Variants in ABCA13 observed in about 807,000 individuals in gnomAD.
ABCA13 encodes ATP-binding cassette sub-family A member 13.
ABCA13 carries 476 observed loss-of-function variants against 478.7 expected under a neutral mutation model. That is an observed-to-expected ratio of 0.99 (90% CI 0.92 to 1.07). The LOEUF (loss-of-function observed/expected upper bound fraction) is 1.07. Among genes scored for constraint, ABCA13 ranks in the 50% least tolerant of loss-of-function variants. The probability of loss-of-function intolerance (pLI) is 0.00; values close to 1 mark genes in which losing one functional copy is unlikely to be tolerated. For synonymous variants in ABCA13, 2,252 were observed against 2,158.9 expected (o/e 1.04, Z -1.20); for missense variants, 6,060 against 5,910.6 (o/e 1.03, Z -0.83).
Position 48,483,082 on chromosome 7 carries a change from A to T in ABCA13, c.13101A>T (p.Gly4367=), listed in dbSNP as rs772566520. 1 of 1,610,920 alleles carries T rather than the reference A, an allele frequency of 6.2e-7. No homozygotes were observed. Among genetic ancestry groups the T allele is most frequent in the South Asian group, 1.1e-5 (1 of 90,166 alleles). ...CAATGTTCATTGTTAACAGGCTTGG[A>T]GGTTGGTCTTTTGGATTAAAAATCC... ...LLAPSEKPRL[G]GWSFGLKIPS... is the part of the protein sequence containing the mutation. The change falls in exon 47 of 62, where the codon GGA becomes GGT. Residue 4367 remains glycine, a synonymous_variant. Transcript: ENST00000435803.
At chr7:48,503,177 C>T (rs931474263) in intron 48 of ABCA13, among the ~76,000 whole-genome samples, 1 of 152,140 alleles carries the variant, frequency 6.6e-6, no homozygotes, top group Non-Finnish European at 1.5e-5. Context: ...GCCTCAGACT[C>T]CTGGGCTCAA....
chr7:48,532,125 G>C lies in ABCA13; in HGVS notation c.14354+3780G>C, dbSNP rs979021463. On this transcript the variant is annotated intron_variant, in intron 55 of 61. Transcript: ENST00000435803. ...GCTTGTCCCCATTCAGTATAATATT[G>C]TCTATGGGTTTGTCATAGATGGCTT... Among the ~76,000 whole-genome samples, 9 of 152,164 alleles carry C rather than the reference G, an allele frequency of 5.9e-5. No homozygotes were observed. In the East Asian group the frequency reaches 1.7e-3, roughly 29 times the overall value.
intron 10 of ABCA13, among the ~76,000 whole-genome samples, chr7:48,243,540 CGTG>C (rs1791196517): frequency 6.6e-6 from 1 of 152,156 alleles, no homozygotes; most frequent in Non-Finnish European, 1.5e-5. Context: ...AGGGTGATGA[CGTG>C]GGGATGGGTA....
At chr7:48,621,981 A>G (rs1282476491) in intron 59 of ABCA13, among the ~76,000 whole-genome samples, 1 of 152,170 alleles carries the variant, frequency 6.6e-6, no homozygotes, top group Non-Finnish European at 1.5e-5. Flanking sequence ...CAGCATCTAG[A>G]GTATAGAATT....
In ABCA13 at chr7:48,272,508, A is replaced by T. The variant is rs779473888; in HGVS notation, c.2842A>T (p.Ile948Leu). ...KQEVDKILTH[I>L]HLNVFQDKDS... ...AGAAGTTGATAAAATTTTGACTCAC[A>T]TACACCTAAATGTCTTCCAGGACAA... The change falls in exon 17 of 62, where the codon ATA becomes TTA. Residue 948 changes from isoleucine to leucine, a missense_variant. Transcript: ENST00000435803. 1 of 1,613,808 alleles carries T rather than the reference A, an allele frequency of 6.2e-7. No individual in the cohort carries two copies.
chr7:48,525,371 C>T lies in ABCA13; in HGVS notation c.14244+931C>T, dbSNP rs116472744. On this transcript the variant is annotated intron_variant, in intron 54 of 61. Transcript: ENST00000435803. ...CATGATTATTATAGTTTTGCCGGTA[C>T]CTCTCCATAGTAGTTTGAGGCAAAG... 4.6e-3 allele frequency among the ~76,000 whole-genome samples: 705 copies of T among 152,098 alleles called. 4 individuals carry two copies. The highest frequency in any genetic ancestry group is 0.016 in the African/African-American group (664 of 41,504).
intron 20 of ABCA13, among the ~76,000 whole-genome samples, chr7:48,294,306 A>T (rs1449286433): frequency 6.6e-6 from 1 of 152,042 alleles, no homozygotes; most frequent in African/African-American, 2.4e-5. Flanking sequence ...CTCATGCTGT[A>T]TATTAATTCT....
At chr7:48,493,377 A>T (rs1010093022) in intron 48 of ABCA13, among the ~76,000 whole-genome samples, 16 of 152,318 alleles carry the variant, frequency 1.1e-4, no homozygotes, top group Non-Finnish European at 1.9e-4. Flanking sequence ...ATTTTGTTAA[A>T]TTAAAATATT....
chr7:48,366,109 A>G (rs970148403), intron 31 of ABCA13, among the ~76,000 whole-genome samples: 1 of 152,130 alleles, frequency 6.6e-6, no homozygotes, highest in Non-Finnish European at 1.5e-5. Flanking sequence ...ATACAAAACC[A>G]TAGTAATCAA....
chr7:48,498,891 G>A (rs1012451789), intron 48 of ABCA13, among the ~76,000 whole-genome samples: 2 of 152,140 alleles, frequency 1.3e-5, no homozygotes, highest in Non-Finnish European at 2.9e-5. Flanking sequence ...TTATGCAAAT[G>A]TTTGCATGCA....
At position 48,272,388 on chromosome 7, in the gene ABCA13, T is replaced by G. The variant is rs1280831847; in HGVS notation, c.2722T>G (p.Leu908Val). ...AACTAGTCTCCATGAATTTGGATTT[T>G]TGGAGCAGGAACAGATCTCAGAAGC... is the stretch of plus-strand genomic sequence containing the variant. Reference protein sequence around the residue: ...IITSLHEFGFLEQEQISEALN... With the variant: ...IITSLHEFGFVEQEQISEALN... Residue 908 changes from leucine to valine, a missense_variant, in exon 17 of 62, where the codon TTG (leucine) becomes GTG (valine). This residue lies in a region of ABCA13 where 4,423 missense variants were observed against 4,309.1 expected (regional missense o/e 1.03). Coordinates refer to ENST00000435803, the MANE Select transcript of ABCA13 (RefSeq NM_152701.5). The G allele has an allele frequency of 6.2e-7, 1 of 1,613,818 alleles. No individual in the cohort carries two copies. Among genetic ancestry groups the G allele is most frequent in the Non-Finnish European group, 8.5e-7 (1 of 1,179,784 alleles).
At chr7:48,188,111 G>C (rs1158103296) in intron 1 of ABCA13, among the ~76,000 whole-genome samples, 5 of 152,148 alleles carry the variant, frequency 3.3e-5, no homozygotes, top group Admixed American at 1.3e-4. Context: ...TCTATAGAAG[G>C]AGAAGATTGG....
At chr7:48,342,163 C>T (rs1175558276) in intron 29 of ABCA13, among the ~76,000 whole-genome samples, 1 of 151,792 alleles carries the variant, frequency 6.6e-6, no homozygotes. Context: ...TGACTTCCAG[C>T]TTTACTTCAC....
rs537823055 is a variant in ABCA13, at chr7:48,229,592, G to A, written c.633-233G>A. 1.9e-4 allele frequency among the ~76,000 whole-genome samples: 29 copies of A among 152,292 alleles called. No homozygotes were observed. In the South Asian group the frequency reaches 6.0e-3, roughly 32 times the overall value. On this transcript the variant is annotated intron_variant, in intron 6 of 61. Coordinates refer to ENST00000435803, the MANE Select transcript of ABCA13 (RefSeq NM_152701.5). ...CTGTGTCAAAGGCAGAGTGGAAGAT[G>A]GCCTAAGTTCTCAAGTGTTTCAAGA...
rs768668155 is a variant in ABCA13, at chr7:48,516,889, GC to G, written c.13797+9del. 7 of 1,612,910 alleles carry G rather than the reference GC, an allele frequency of 4.3e-6. No homozygotes were observed. The highest frequency in any genetic ancestry group is 5.9e-6 in the Non-Finnish European group (7 of 1,179,272). On this transcript the variant is annotated intron_variant, in intron 52 of 61. Coordinates refer to ENST00000435803, the MANE Select transcript of ABCA13 (RefSeq NM_152701.5). ...ATCATCTCCAAAGCTAAGGTCAGTA[GC>G]TTTGTAGCATCACCTCTACACTTCT...
chr7:48,307,815 G>T (rs1801140422), intron 23 of ABCA13, among the ~76,000 whole-genome samples: 1 of 151,922 alleles, frequency 6.6e-6, no homozygotes, highest in Admixed American at 6.6e-5. Context: ...CAAGCAGCTG[G>T]GATTACAGGT....
rs544928793 is a variant in ABCA13, at chr7:48,400,658, A to T, written c.11874-3025A>T. Reference sequence around the variant, plus strand: ...TTTAATTTTTAAGTCCACTCTAAGCATATGAACAATGCCCAGAAACCAGCA... The same window carrying T: ...TTTAATTTTTAAGTCCACTCTAAGCTTATGAACAATGCCCAGAAACCAGCA... On this transcript the variant is annotated intron_variant, in intron 38 of 61. Transcript: ENST00000435803. Among the ~76,000 whole-genome samples the T allele has an allele frequency of 1.7e-4, 26 of 152,380 alleles. 1 individual carries two copies. The South Asian group carries it at 4.8e-3, about 28-fold the overall frequency.
At chr7:48,645,135 A>T (rs11979484) in intron 61 of ABCA13, among the ~76,000 whole-genome samples, 19,449 of 152,120 alleles carry the variant, frequency 0.13, 1,313 homozygotes, top group East Asian at 0.24. Context: ...GAGTACCAGG[A>T]ATATAAAAAT....
intron 3 of ABCA13, among the ~76,000 whole-genome samples, chr7:48,208,582 T>C (rs1785228232): frequency 6.6e-6 from 1 of 152,126 alleles, no homozygotes; most frequent in Non-Finnish European, 1.5e-5. Flanking sequence ...TAAATGGTAT[T>C]GCTTTCTTGG....
Sources: gnomAD v4.1 joint callset for allele counts (sites outside exome capture counted in the v4.1 genomes callset) on GRCh38, gnomAD v4.1.1 for gene constraint, gnomAD v4.1.1 regional missense constraint, MANE v1.5 for transcripts, NCBI Gene and HGNC (gene_info 2026-07-23, HGNC 2026-07-21) for gene names.